TMEM151B: variants seen among roughly 807,000 people sequenced by gnomAD.
TMEM151B encodes transmembrane protein 193.
In TMEM151B, 18 loss-of-function variants were observed where a neutral mutation model predicts 33.0. That is an observed-to-expected ratio of 0.55 (90% confidence interval 0.38 to 0.81). TMEM151B has a LOEUF of 0.81. TMEM151B is among the 30% of genes least tolerant of loss of function. The probability of loss-of-function intolerance (pLI) is 0.00; values close to 1 mark genes in which losing one functional copy is unlikely to be tolerated. For synonymous variants in TMEM151B, 354 were observed against 373.6 expected, an observed-to-expected ratio of 0.95 and a Z score of 0.61; for missense variants, 672 against 843.4, an observed-to-expected ratio of 0.80 and a Z score of 2.52.
chr6:44,273,063 C>T lies in TMEM151B; in HGVS notation c.136-3C>T, dbSNP rs1295586523. The T allele has an allele frequency of 1.3e-6, 2 of 1,485,396 alleles. No individual in the cohort carries two copies. Among genetic ancestry groups the T allele is most frequent in the African/African-American group, 2.8e-5 (2 of 71,858 alleles). The allele number at this position is 1,485,396 out of a possible 1,614,324, so 92.0% of individuals were successfully genotyped here. A position where few individuals can be genotyped will look rare whatever the true frequency, so the allele number is the denominator to read the frequency against. ...TGGCCCCTCTCCCTGCCCACCTGAGCAGCAGCGTCCCATCCAGCCCTCTTT... is the reference window on the plus strand; with the variant it reads ...TGGCCCCTCTCCCTGCCCACCTGAGTAGCAGCGTCCCATCCAGCCCTCTTT... On this transcript the variant is annotated splice_polypyrimidine_tract_variant and splice_region_variant and intron_variant, in intron 1 of 2. Transcript: ENST00000451188.
rs1307963698 is a variant in TMEM151B, at chr6:44,270,780, C to CCGGCGG, written c.51_56dup (p.Gly20_Gly21dup). 24 of 1,115,362 alleles carry CCGGCGG rather than the reference C, an allele frequency of 2.2e-5. No individual in the cohort carries two copies. Among genetic ancestry groups the CCGGCGG allele is most frequent in the Non-Finnish European group, 2.5e-5 (23 of 913,078 alleles). The allele number at this position is 1,115,362 out of a possible 1,614,324, so 69.1% of individuals were successfully genotyped here. A position where few individuals can be genotyped will look rare whatever the true frequency, so the allele number is the denominator to read the frequency against. ...GGCTCGGCCGCGGGAGAGAGCGCCG[C>CCGGCGG]CGGCGGCGGCGGCGGCGGTGGCGGC... On this transcript the variant is annotated inframe_insertion, in exon 1 of 3. Coordinates refer to ENST00000451188, the MANE Select transcript of TMEM151B (RefSeq NM_001137560.2).
intron 1 of TMEM151B, among the ~76,000 whole-genome samples, chr6:44,271,970 A>G (rs1234573798): frequency 1.3e-5 from 2 of 151,974 alleles, no homozygotes; most frequent in African/African-American, 4.8e-5. Flanking sequence ...AGAGGCCACT[A>G]CAAGAAATTA....
intron 2 of TMEM151B, 99 bp downstream of exon 2, chr6:44,273,605 A>G: frequency 7.7e-7 from 1 of 1,295,558 alleles, no homozygotes; most frequent in South Asian, 1.5e-5. Context: ...AGGTGGGAGG[A>G]GCAAAAGGCA....
At position 44,276,669 on chromosome 6, in the gene TMEM151B, CCCGGATGGGG is replaced by C; in HGVS notation, c.*146_*155del. ...AGGGAGGTGAGGGCCGCAAGACAGG[CCCGGATGGGG>C]CCGAGACCCCCGCTGTCCCTGTACA... is the stretch of plus-strand genomic sequence containing the variant. On this transcript the variant is annotated 3_prime_UTR_variant, in exon 3 of 3. Transcript: ENST00000451188. 1 of 1,270,802 alleles carries C rather than the reference CCCGGATGGGG, an allele frequency of 7.9e-7. No individual in the cohort carries two copies. Among genetic ancestry groups the C allele is most frequent in the Non-Finnish European group, 9.9e-7 (1 of 1,008,854 alleles). 78.7% of individuals were successfully genotyped at this position (1,270,802 alleles called of 1,614,324 possible). A position where few individuals can be genotyped will look rare whatever the true frequency, so the allele number is the denominator to read the frequency against.
At position 44,270,865 on chromosome 6, in the gene TMEM151B, C is replaced by T; in HGVS notation, c.123C>T (p.Pro41=). ...CAGCGGCGGCGGCGGACGAGGGCCC[C>T]GCCCGAGAGGAGGTGAGAGTCTAGG... The part of the protein sequence containing the change: ...AAAAAAADEG[P]AREEQRPIQP... The change falls in exon 1 of 3, where the codon CCC becomes CCT. Residue 41 remains proline, a synonymous_variant. Coordinates refer to ENST00000451188, the MANE Select transcript of TMEM151B (RefSeq NM_001137560.2). 1 of 1,100,902 alleles carries T rather than the reference C, an allele frequency of 9.1e-7. No homozygotes were observed. Among genetic ancestry groups the T allele is most frequent in the East Asian group, 5.5e-5 (1 of 18,082 alleles). 68.2% of individuals were successfully genotyped at this position (1,100,902 alleles called of 1,614,324 possible). A position where few individuals can be genotyped will look rare whatever the true frequency, so the allele number is the denominator to read the frequency against.
At position 44,278,580 on chromosome 6, in the gene TMEM151B, C is replaced by G. The variant is rs1043360148; in HGVS notation, c.*2053C>G. 4 of 152,208 alleles carry G rather than the reference C, an allele frequency of 2.6e-5. No homozygotes were observed. Among genetic ancestry groups the G allele is most frequent in the Non-Finnish European group, 4.4e-5 (3 of 68,058 alleles). The allele number at this position is 152,208 out of a possible 1,614,324, so 9.4% of individuals were successfully genotyped here. On this transcript the variant is annotated 3_prime_UTR_variant, in exon 3 of 3. Transcript: ENST00000451188. ...CAAGGAAGGAGGAACGTGGCTCCTC[C>G]TCCCTCAGGCCTGTTCCTGAGACAG...
At position 44,278,750 on chromosome 6, in the gene TMEM151B, G is replaced by C. The variant is rs1243013853; in HGVS notation, c.*2223G>C. On this transcript the variant is annotated 3_prime_UTR_variant, in exon 3 of 3. Transcript: ENST00000451188. ...AACCAATTCTTTGGTCTATTTTCTT[G>C]GTAGCTTTACTGATTGCCAGGGAAA... 1 of 152,074 alleles carries C rather than the reference G, an allele frequency of 6.6e-6. No individual in the cohort carries two copies. The highest frequency in any genetic ancestry group is 1.9e-4 in the East Asian group (1 of 5,196). 9.4% of individuals were successfully genotyped at this position (152,074 alleles called of 1,614,324 possible).
rs1782288335 is a variant in TMEM151B, at chr6:44,270,662, C to CTCCCCAGGGCCCGCGCAGGAT, written c.-80_-60dup. The CTCCCCAGGGCCCGCGCAGGAT allele has an allele frequency of 3.4e-6, 1 of 293,516 alleles. No individual in the cohort carries two copies. Among genetic ancestry groups the CTCCCCAGGGCCCGCGCAGGAT allele is most frequent in the Non-Finnish European group, 5.6e-6 (1 of 178,866 alleles). The allele number at this position is 293,516 out of a possible 1,614,324, so 18.2% of individuals were successfully genotyped here. A position where few individuals can be genotyped will look rare whatever the true frequency, so the allele number is the denominator to read the frequency against. On this transcript the variant is annotated 5_prime_UTR_variant, in exon 1 of 3. It adds an upstream start codon to the 5' untranslated region. Transcript: ENST00000451188. ...CGAGGGCCCCGCCCCCTCCCGTCCTCTCCCCAGGGCCCGCGCAGGATGCCC... is the reference window on the plus strand; with the variant it reads ...CGAGGGCCCCGCCCCCTCCCGTCCTCTCCCCAGGGCCCGCGCAGGATTCCCCAGGGCCCGCGCAGGATGCCC...
rs1270000405 is a variant in TMEM151B, at chr6:44,273,306, G to A, written c.376G>A (p.Val126Ile). 27 of 1,551,644 alleles carry A rather than the reference G, an allele frequency of 1.7e-5. No individual in the cohort carries two copies. The highest frequency in any genetic ancestry group is 1.7e-4 in the Middle Eastern group (1 of 5,992). The change falls in exon 2 of 3, where the codon GTC becomes ATC. Residue 126 changes from valine (V) to isoleucine (I), a missense_variant. Physicochemically the swap from Val to Ile is conservative, Grantham distance 29. Around this residue, in one of 3 missense-constraint regions of TMEM151B, gnomAD observed 285 missense variants for 423.1 expected, o/e 0.67. Coordinates refer to ENST00000451188, the MANE Select transcript of TMEM151B (RefSeq NM_001137560.2). ...GGCCTTCCTGCTCATGTTGTACGCC[G>A]TCTACCTGGTGGAGTGTTGGCACTG... ...PLAFLLMLYA[V>I]YLVECWHCQA...
chr6:44,276,390 G>A lies in TMEM151B; in HGVS notation c.1564G>A (p.Glu522Lys), dbSNP rs1386055677. ...SMGDDEDDDE[E>K]EAGPPPPYHD... ...GGGGGACGACGAGGACGACGACGAGGAGGAGGCCGGGCCGCCGCCGCCCTA... is the reference window on the plus strand; with the variant it reads ...GGGGGACGACGAGGACGACGACGAGAAGGAGGCCGGGCCGCCGCCGCCCTA... Residue 522 changes from glutamate (E) to lysine (K), a missense_variant, in exon 3 of 3, where the codon GAG (glutamate) becomes AAG (lysine). Glu to Lys is a moderately conservative substitution (Grantham distance 56). This residue lies in a region of TMEM151B where 324 missense variants were observed against 363.1 expected (regional missense o/e 0.89). Coordinates refer to ENST00000451188, the MANE Select transcript of TMEM151B (RefSeq NM_001137560.2). The A allele has an allele frequency of 6.6e-7, 1 of 1,515,618 alleles. No individual in the cohort carries two copies. The highest frequency in any genetic ancestry group is 8.8e-7 in the Non-Finnish European group (1 of 1,137,384). The allele number at this position is 1,515,618 out of a possible 1,614,324, so 93.9% of individuals were successfully genotyped here. A position where few individuals can be genotyped will look rare whatever the true frequency, so the allele number is the denominator to read the frequency against.
chr6:44,271,943 AGGAGGGGTG>A (rs1460214438), intron 1 of TMEM151B, among the ~76,000 whole-genome samples: 1 of 150,936 alleles, frequency 6.6e-6, no homozygotes, highest in African/African-American at 2.5e-5. Context: ...GACAGCACAG[AGGAGGGGTG>A]GGAAAACAGA....
In TMEM151B at chr6:44,275,387, G is replaced by GC. The variant is rs1381693279; in HGVS notation, c.577-10dup. The GC allele has an allele frequency of 4.1e-6, 6 of 1,481,082 alleles. No individual in the cohort carries two copies. Among genetic ancestry groups the GC allele is most frequent in the South Asian group, 4.0e-5 (3 of 74,150 alleles). The allele number at this position is 1,481,082 out of a possible 1,614,324, so 91.7% of individuals were successfully genotyped here. Reference sequence around the variant, plus strand: ...CGGGCTCCCCGCGACCCCGCCGCCTGCCCCCCGCGCCGCAGGTCTACCACG... The same window carrying GC: ...CGGGCTCCCCGCGACCCCGCCGCCTGCCCCCCCGCGCCGCAGGTCTACCACG... On this transcript the variant is annotated splice_polypyrimidine_tract_variant and intron_variant, in intron 2 of 2. Transcript: ENST00000451188.
At chr6:44,271,399 GC>G (rs1782349626) in intron 1 of TMEM151B, among the ~76,000 whole-genome samples, 2 of 142,506 alleles carry the variant, frequency 1.4e-5, no homozygotes, top group South Asian at 4.5e-4. Context: ...CTCTCACGAG[GC>G]TCCTGCTGCT....
rs1281965858 is a variant in TMEM151B, at chr6:44,277,441, AG to A, written c.*918del. The A allele has an allele frequency of 6.6e-6, 1 of 152,350 alleles. No homozygotes were observed. Among genetic ancestry groups the A allele is most frequent in the East Asian group, 1.9e-4 (1 of 5,198 alleles). The allele number at this position is 152,350 out of a possible 1,614,324, so 9.4% of individuals were successfully genotyped here. On this transcript the variant is annotated 3_prime_UTR_variant, in exon 3 of 3. Transcript: ENST00000451188. ...TAAAGCTGGCCAGCACGAGTGACTA[AG>A]GGGAGAGAGCATGACATAGACCTGG...
rs1473611863 is a variant in TMEM151B, at chr6:44,275,462, C to T, written c.636C>T (p.Cys212=). ...AGGCTGAGTTCGACTACGCGCGCTG[C>T]GGCGTTCGCGACGTGTCCAAGACGC... ...VAEAEFDYAR[C]GVRDVSKTLV... Residue 212 remains cysteine, a synonymous_variant, in exon 3 of 3, where the codon TGC becomes TGT. Coordinates refer to ENST00000451188, the MANE Select transcript of TMEM151B (RefSeq NM_001137560.2). The T allele has an allele frequency of 3.9e-6, 6 of 1,544,942 alleles. No individual in the cohort carries two copies. The highest frequency in any genetic ancestry group is 4.4e-6 in the Non-Finnish European group (5 of 1,142,926).
intron 1 of TMEM151B, among the ~76,000 whole-genome samples, chr6:44,272,839 C>T (rs539929656): frequency 2.6e-5 from 4 of 152,264 alleles, no homozygotes; most frequent in Middle Eastern, 3.4e-3. Context: ...ACTGGCATTC[C>T]GGTCCCCTTT....
At chr6:44,271,369 G>GTT (rs35554649) in intron 1 of TMEM151B, among the ~76,000 whole-genome samples, 1 of 27,956 alleles carries the variant, frequency 3.6e-5, no homozygotes, top group African/African-American at 9.8e-5. Flanking sequence ...GTGTGTGTGT[G>GTT]GGGGGGGGTG....
In TMEM151B at chr6:44,275,397, C is replaced by A; in HGVS notation, c.577-6C>A. On this transcript the variant is annotated splice_region_variant and splice_polypyrimidine_tract_variant and intron_variant, in intron 2 of 2. Coordinates refer to ENST00000451188, the MANE Select transcript of TMEM151B (RefSeq NM_001137560.2). ...GCGACCCCGCCGCCTGCCCCCCGCG[C>A]CGCAGGTCTACCACGAACGCGTCAA... 1 of 1,495,594 alleles carries A rather than the reference C, an allele frequency of 6.7e-7. No homozygotes were observed. Among genetic ancestry groups the A allele is most frequent in the Non-Finnish European group, 8.9e-7 (1 of 1,118,616 alleles). 92.6% of individuals were successfully genotyped at this position (1,495,594 alleles called of 1,614,324 possible).
Position 44,275,817 on chromosome 6 carries a change from A to C in TMEM151B, c.991A>C (p.Lys331Gln). The C allele has an allele frequency of 6.5e-7, 1 of 1,543,224 alleles. No individual in the cohort carries two copies. The highest frequency in any genetic ancestry group is 8.7e-7 in the Non-Finnish European group (1 of 1,145,758). The change falls in exon 3 of 3, where the codon AAG becomes CAG. Residue 331 changes from lysine to glutamine, a missense_variant. Physicochemically the swap from Lys to Gln is moderately conservative, Grantham distance 53. This residue lies in a region of TMEM151B where 285 missense variants were observed against 423.1 expected (regional missense o/e 0.67). Coordinates refer to ENST00000451188, the MANE Select transcript of TMEM151B (RefSeq NM_001137560.2). The part of the protein sequence containing the change: ...RTAYAHYHVE[K>Q]LFGLEGPGSA... ...GGCCTACGCGCACTACCACGTGGAG[A>C]AGCTATTTGGCCTGGAGGGCCCGGG...
Sources: allele counts gnomAD v4.1 joint callset (sites outside exome capture counted in the v4.1 genomes callset), GRCh38; gene constraint gnomAD v4.1.1; regional missense constraint gnomAD v4.1.1; transcripts MANE v1.5; gene names NCBI Gene and HGNC (gene_info 2026-07-23, HGNC 2026-07-21).